RNF180: variants seen among roughly 807,000 people sequenced by gnomAD.
RNF180 encodes the protein E3 ubiquitin-protein ligase RNF180.
RNF180 carries 38 observed loss-of-function variants against 59.2 expected under a neutral mutation model. The observed-to-expected ratio is 0.64, with a 90% CI of 0.50 to 0.84. RNF180 has a LOEUF of 0.84. Among genes scored for constraint, RNF180 ranks in the 40% least tolerant of loss-of-function variants. RNF180 has a pLI of 0.00. For synonymous variants in RNF180, 262 were observed against 240.3 expected, an observed-to-expected ratio of 1.09 and a Z score of -0.84; for missense variants, 705 against 700.9, an observed-to-expected ratio of 1.01 and a Z score of -0.07.
At chr5:64,321,675 A>G (rs1406026376) in intron 5 of RNF180, among the ~76,000 whole-genome samples, 3 of 152,204 alleles carry the variant, frequency 2.0e-5, no homozygotes, top group Admixed American at 1.3e-4. Context: ...TTTAAATTTC[A>G]TAAGGAACCA....
chr5:64,310,516 C>CA lies in RNF180; in HGVS notation c.1228-14656dup, dbSNP rs772300822. Among the ~76,000 whole-genome samples the CA allele has an allele frequency of 9.0e-3, 834 of 93,088 alleles. 4 individuals are homozygous for CA. The highest frequency in any genetic ancestry group is 0.028 in the Middle Eastern group (5 of 180). 61.1% of individuals were successfully genotyped at this position (93,088 alleles called of 152,430 possible). A position where few individuals can be genotyped will look rare whatever the true frequency, so the allele number is the denominator to read the frequency against. On this transcript the variant is annotated intron_variant, in intron 5 of 7. Coordinates refer to ENST00000389100, the MANE Select transcript of RNF180 (RefSeq NM_001113561.2). ...TTGTTATGACTGCAAAATACTTTTG[C>CA]AAAAAAAAAAAAAAGAAACCCTGTT...
chr5:64,306,031 T>C (rs139650412), intron 5 of RNF180, among the ~76,000 whole-genome samples: 17 of 151,812 alleles, frequency 1.1e-4, no homozygotes, highest in African/African-American at 4.1e-4. Flanking sequence ...TTTATCCTAA[T>C]CCTTACAGGG....
chr5:64,213,536 T>C (rs1200321819), intron 3 of RNF180, 22 bp from the exon 4 acceptor site: 5 of 1,581,146 alleles, frequency 3.2e-6, no homozygotes, highest in Non-Finnish European at 4.3e-6. Context: ...GCACTGTCTT[T>C]ATTCTTCTTT....
At chr5:64,218,147 AC>A (rs1295888148) in intron 5 of RNF180, among the ~76,000 whole-genome samples, 2 of 152,066 alleles carry the variant, frequency 1.3e-5, no homozygotes, top group Non-Finnish European at 2.9e-5. Context: ...TTCTCAAAAA[AC>A]GTTTTAATAG....
At chr5:64,226,590 C>T (rs1485303394) in intron 5 of RNF180, among the ~76,000 whole-genome samples, 1 of 152,038 alleles carries the variant, frequency 6.6e-6, no homozygotes, top group African/African-American at 2.4e-5. Context: ...ATCTGCTGAC[C>T]TTCTCTCCAT....
chr5:64,227,550 G>A (rs926299107), intron 5 of RNF180, among the ~76,000 whole-genome samples: 9 of 152,318 alleles, frequency 5.9e-5, no homozygotes, highest in African/African-American at 1.7e-4. Context: ...TCAGAAAGGG[G>A]CCCCTCCATT....
intron 7 of RNF180, among the ~76,000 whole-genome samples, chr5:64,354,349 A>G (rs1205456488): frequency 6.6e-6 from 1 of 152,014 alleles, no homozygotes; most frequent in East Asian, 1.9e-4. Flanking sequence ...TAGAGGACTT[A>G]AGTAAATGCA....
intron 5 of RNF180, among the ~76,000 whole-genome samples, chr5:64,265,500 T>C (rs1415991953): frequency 6.6e-6 from 1 of 152,152 alleles, no homozygotes; most frequent in East Asian, 1.9e-4. Flanking sequence ...TCCCCATTGC[T>C]CATTTTTGTC....
chr5:64,288,112 C>G lies in RNF180; in HGVS notation c.1228-37074C>G, dbSNP rs191240472. ...AAGGAAGGGATCCAGTTTCAGTTTTCTGCATATGGCTAGCCTGTTCTCCCG... is the reference window on the plus strand; with the variant it reads ...AAGGAAGGGATCCAGTTTCAGTTTTGTGCATATGGCTAGCCTGTTCTCCCG... On this transcript the variant is annotated intron_variant, in intron 5 of 7. Coordinates refer to ENST00000389100, the MANE Select transcript of RNF180 (RefSeq NM_001113561.2). Among the ~76,000 whole-genome samples, 9 of 152,292 alleles carry G rather than the reference C, an allele frequency of 5.9e-5. No homozygotes were observed. In the East Asian group the frequency reaches 1.7e-3, roughly 29 times the overall value.
chr5:64,276,318 T>TGG (rs1222733321), intron 5 of RNF180, among the ~76,000 whole-genome samples: 495 of 76,808 alleles, frequency 6.4e-3, no homozygotes, highest in African/African-American at 0.026. Flanking sequence ...AAAAATACAT[T>TGG]GGTGTGTGTG....
At chr5:64,179,351 A>G (rs1305862466) in intron 1 of RNF180, among the ~76,000 whole-genome samples, 1 of 152,206 alleles carries the variant, frequency 6.6e-6, no homozygotes, top group Non-Finnish European at 1.5e-5. Context: ...TGCAGATAAA[A>G]TTTAAGCCCC....
chr5:64,339,252 C>G (rs540669881), intron 7 of RNF180, among the ~76,000 whole-genome samples: 1 of 151,808 alleles, frequency 6.6e-6, no homozygotes, highest in Admixed American at 6.6e-5. Flanking sequence ...TAAATCCTTT[C>G]TGTTACTGTC....
chr5:64,317,565 TACATATATATAC>T (rs1204627435), intron 5 of RNF180, among the ~76,000 whole-genome samples: 1 of 146,400 alleles, frequency 6.8e-6, no homozygotes, highest in Admixed American at 6.9e-5. Context: ...TATATACACA[TACATATATATAC>T]ACATATATAT....
intron 5 of RNF180, among the ~76,000 whole-genome samples, chr5:64,299,222 C>CT (rs1038678232): frequency 9.2e-5 from 14 of 151,902 alleles, no homozygotes; most frequent in African/African-American, 3.1e-4. Context: ...GGATCCAGAA[C>CT]TTTGAGATAT....
Position 64,225,844 on chromosome 5 carries a change from G to A in RNF180, c.1227+8448G>A, listed in dbSNP as rs370587667. ...CCGGCCGCCCCGTCTGGGATGAAGC[G>A]AGCGCCTCTGCCCGGCCGCCCCGTC... On this transcript the variant is annotated intron_variant, in intron 5 of 7. Transcript: ENST00000389100. Among the ~76,000 whole-genome samples the A allele has an allele frequency of 1.6e-4, 23 of 145,992 alleles. No individual in the cohort carries two copies. In the South Asian group the frequency reaches 2.9e-3, roughly 19 times the overall value.
intron 5 of RNF180, among the ~76,000 whole-genome samples, chr5:64,251,064 A>G (rs903648017): frequency 1.3e-5 from 2 of 152,208 alleles, no homozygotes; most frequent in African/African-American, 4.8e-5. Context: ...ATACATAAAT[A>G]AATAAATGTG....
intron 4 of RNF180, 101 bp downstream of exon 4, chr5:64,214,618 T>G: frequency 9.5e-7 from 1 of 1,053,334 alleles, no homozygotes; most frequent in Non-Finnish European, 1.4e-6. Flanking sequence ...AAACTTGGTT[T>G]TAGTAATTCT....
At chr5:64,330,957 G>T (rs563942671) in intron 7 of RNF180, among the ~76,000 whole-genome samples, 1 of 152,202 alleles carries the variant, frequency 6.6e-6, no homozygotes, top group South Asian at 2.1e-4. Context: ...CCTTGCCCCT[G>T]CAGGCTCAGA....
intron 5 of RNF180, among the ~76,000 whole-genome samples, chr5:64,304,210 T>C (rs1236219117): frequency 6.6e-6 from 1 of 151,678 alleles, no homozygotes; most frequent in Non-Finnish European, 1.5e-5. Flanking sequence ...GCTGGAGGTG[T>C]ACAAGGAGAT....
Sources: allele counts gnomAD v4.1 joint callset (sites outside exome capture counted in the v4.1 genomes callset), GRCh38; gene constraint gnomAD v4.1.1; transcripts MANE v1.5; gene names NCBI Gene and HGNC (gene_info 2026-07-23, HGNC 2026-07-21).